ILDR1: variants seen among roughly 807,000 people sequenced by gnomAD.
ILDR1 encodes immunoglobulin-like domain-containing receptor 1.
In ILDR1, 56 loss-of-function variants were observed where a neutral mutation model predicts 62.4. The observed-to-expected ratio is 0.90, with a 90% CI of 0.72 to 1.12. The LOEUF is 1.12. Among genes scored for constraint, ILDR1 ranks in the 50% most tolerant of loss-of-function variants. The pLI, the probability that ILDR1 is intolerant of heterozygous loss-of-function variation, is 0.00. For missense variants in ILDR1, 736 were observed against 710.6 expected (o/e 1.04, Z -0.41); for synonymous variants, 284 against 277.8 (o/e 1.02, Z -0.22).
the ILDR1 span, among the ~76,000 whole-genome samples, chr3:122,056,776 C>T: frequency 2.0e-5 from 3 of 152,006 alleles, no homozygotes; most frequent in African/African-American, 7.2e-5. Context: ...CCTTTTGCTC[C>T]AGTGGAATTT....
At chr3:122,001,226 T>C in intron 5 of ILDR1, 82 bp downstream of exon 5, 1 of 1,493,666 alleles carries the variant, frequency 6.7e-7, no homozygotes, top group Non-Finnish European at 9.3e-7. Context: ...GGAAGAATCT[T>C]TGACCTGGCA....
the ILDR1 span, among the ~76,000 whole-genome samples, chr3:122,029,996 T>A: frequency 6.6e-6 from 1 of 152,040 alleles, no homozygotes; most frequent in African/African-American, 2.4e-5. Context: ...GATGTCAGGC[T>A]CCCTTAGCTG....
chr3:122,024,353 A>T (rs2071903898), upstream of ILDR1, among the ~76,000 whole-genome samples: 1 of 152,370 alleles, frequency 6.6e-6, no homozygotes, highest in Admixed American at 6.5e-5. Flanking sequence ...TTATTTTGGG[A>T]AATACTGGTG....
chr3:122,059,717 T>C, the ILDR1 span, among the ~76,000 whole-genome samples: 5 of 152,128 alleles, frequency 3.3e-5, no homozygotes, highest in Non-Finnish European at 5.9e-5. Context: ...AATTCATATG[T>C]TGAAATCCTA....
chr3:122,036,047 T>C, the ILDR1 span, among the ~76,000 whole-genome samples: 3 of 151,944 alleles, frequency 2.0e-5, no homozygotes, highest in Non-Finnish European at 4.4e-5. Context: ...TGGTCTCAGA[T>C]GGAGATGAGG....
In ILDR1 at chr3:122,022,214, A is replaced by T; in HGVS notation, c.-137T>A. 2.7e-6 allele frequency: 2 copies of T among 752,072 alleles called. No homozygotes were observed. The highest frequency in any genetic ancestry group is 4.2e-6 in the Non-Finnish European group (2 of 471,800). The allele number at this position is 752,072 out of a possible 1,614,324, so 46.6% of individuals were successfully genotyped here. On this transcript the variant is annotated 5_prime_UTR_variant, in exon 1 of 8. Transcript: ENST00000344209. ...CCCTCCCTCGGCGCAGCGGGGAGGGAGCGTCCGCTCTGGTCCCGGGGCAGG... is the reference window on the plus strand; with the variant it reads ...CCCTCCCTCGGCGCAGCGGGGAGGGTGCGTCCGCTCTGGTCCCGGGGCAGG...
chr3:122,005,202 T>TCCCCCCCCC, intron 3 of ILDR1, 42 bp downstream of exon 3: 1 of 1,216,414 alleles, frequency 8.2e-7, no homozygotes, highest in Non-Finnish European at 1.2e-6. Flanking sequence ...TGTCTGCACC[T>TCCCCCCCCC]CCCCCCACCC....
the ILDR1 span, among the ~76,000 whole-genome samples, chr3:122,039,448 C>T: frequency 1.3e-5 from 2 of 151,912 alleles, no homozygotes; most frequent in African/African-American, 4.8e-5. Context: ...CATTTTCTTC[C>T]AGAAACCATG....
the ILDR1 span, among the ~76,000 whole-genome samples, chr3:122,033,396 T>G: frequency 6.6e-6 from 1 of 152,112 alleles, no homozygotes; most frequent in Admixed American, 6.5e-5. Context: ...ATAGTGCCTT[T>G]GTGATTTTAC....
chr3:122,005,271 G>A lies in ILDR1; in HGVS notation c.352C>T (p.Arg118Trp), dbSNP rs774128939. 71 of 1,562,362 alleles carry A rather than the reference G, an allele frequency of 4.5e-5. 1 individual carries two copies. The Admixed American group carries it at 1.1e-3, about 25-fold the overall frequency. The change falls in exon 3 of 8, where the codon CGG (arginine) becomes TGG (tryptophan). Residue 118 changes from arginine to tryptophan, a missense_variant. Transcript: ENST00000344209. ...QNEPVLGVDY[R>W]QRKITIQNRA... ...TTCTGGATGGTGATCTTGCGCTGCC[G>A]GTAATCTACCCCCAGCACGGGCTCA...
intron 7 of ILDR1, among the ~76,000 whole-genome samples, chr3:121,990,897 G>A (rs1367629607): frequency 2.6e-5 from 4 of 152,160 alleles, no homozygotes; most frequent in African/African-American, 9.7e-5. Context: ...TAGTTGTGAG[G>A]ATTAAATGAA....
the ILDR1 span, among the ~76,000 whole-genome samples, chr3:122,054,999 G>T: frequency 6.6e-6 from 1 of 151,958 alleles, no homozygotes; most frequent in Non-Finnish European, 1.5e-5. Context: ...AATTGGCAGG[G>T]TTAGGTGGCT....
At chr3:122,019,140 G>A (rs917578071) in intron 1 of ILDR1, among the ~76,000 whole-genome samples, 6 of 152,108 alleles carry the variant, frequency 3.9e-5, no homozygotes, top group Non-Finnish European at 8.8e-5. Context: ...CTTTCATTCT[G>A]AGAATAAACT....
the ILDR1 span, among the ~76,000 whole-genome samples, chr3:122,052,187 GC>G: frequency 6.6e-6 from 1 of 152,130 alleles, no homozygotes; most frequent in African/African-American, 2.4e-5. Context: ...CCTCTGCTGT[GC>G]CACAGGTCCT....
chr3:122,027,401 G>A, the ILDR1 span, among the ~76,000 whole-genome samples: 3 of 152,158 alleles, frequency 2.0e-5, no homozygotes, highest in Non-Finnish European at 4.4e-5. Flanking sequence ...TGTTGGCCAG[G>A]CTTGTCTTGA....
At chr3:122,061,024 A>G in the ILDR1 span, among the ~76,000 whole-genome samples, 1 of 152,242 alleles carries the variant, frequency 6.6e-6, no homozygotes, top group African/African-American at 2.4e-5. Context: ...AGTGGCAGGA[A>G]TATGATAAGC....
At chr3:122,047,025 C>T in the ILDR1 span, among the ~76,000 whole-genome samples, 34 of 144,898 alleles carry the variant, frequency 2.3e-4, 1 homozygote, top group African/African-American at 8.5e-4. Flanking sequence ...TTTTTCTGTT[C>T]TGTTTTTTCC....
chr3:122,016,266 T>G (rs1386386834), intron 1 of ILDR1, among the ~76,000 whole-genome samples: 4 of 152,276 alleles, frequency 2.6e-5, no homozygotes, highest in African/African-American at 4.8e-5. Flanking sequence ...ATCTACTAAG[T>G]GCTCTTGTGG....
intron 5 of ILDR1, among the ~76,000 whole-genome samples, chr3:121,995,645 CA>C (rs1559872533): frequency 6.6e-6 from 1 of 152,202 alleles, no homozygotes; most frequent in Non-Finnish European, 1.5e-5. Context: ...GCCAGCTGAT[CA>C]CCTGGAGCCT....
Sources: gnomAD v4.1 joint callset for allele counts (sites outside exome capture counted in the v4.1 genomes callset) on GRCh38, gnomAD v4.1.1 for gene constraint, MANE v1.5 for transcripts, NCBI Gene and HGNC (gene_info 2026-07-23, HGNC 2026-07-21) for gene names.